The following MGAT4D variants were observed in gnomAD, a reference collection of about 807,000 sequenced individuals.
MGAT4D encodes the protein MGAT4 family member D.
MGAT4D carries 34 observed loss-of-function variants against 15.9 expected under a neutral mutation model. The observed-to-expected ratio is 2.14, with a 90% CI of 1.62 to 2.84. MGAT4D has a LOEUF of 2.84. Among genes scored for constraint, MGAT4D ranks in the 30% most tolerant of loss-of-function variants. MGAT4D has a pLI of 0.00. For synonymous variants in MGAT4D, 112 were observed against 48.2 expected, an observed-to-expected ratio of 2.33 and a Z score of -5.49; for missense variants, 327 against 140.2, an observed-to-expected ratio of 2.33 and a Z score of -6.73.
Position 140,468,828 on chromosome 4 carries a change from G to C in MGAT4D, c.572+2947C>G, listed in dbSNP as rs547720363. On this transcript the variant is annotated intron_variant, in intron 5 of 10. Coordinates refer to ENST00000511113, the MANE Select transcript of MGAT4D (RefSeq NM_001277353.2). ...TGAATCCCTCCTTCTCAACACAGGG[G>C]CTTACCTCCTTCACAGAGAAAAGAG... Among the ~76,000 whole-genome samples the C allele has an allele frequency of 3.3e-5, 5 of 152,076 alleles. No homozygotes were observed. In the East Asian group the frequency reaches 9.7e-4, roughly 29 times the overall value.
chr4:140,486,544 T>C (rs1733146898), intron 1 of MGAT4D, among the ~76,000 whole-genome samples: 1 of 152,124 alleles, frequency 6.6e-6, no homozygotes, highest in Admixed American at 6.6e-5. Flanking sequence ...CCTGTGTCCA[T>C]GTGTTCTCAT....
At chr4:140,478,904 A>G (rs975584205) in intron 3 of MGAT4D, among the ~76,000 whole-genome samples, 1 of 152,180 alleles carries the variant, frequency 6.6e-6, no homozygotes, top group African/African-American at 2.4e-5. Context: ...AAGCATAACT[A>G]TGTTCCAACA....
At chr4:140,444,887 C>CA (rs1730011511) in intron 10 of MGAT4D, among the ~76,000 whole-genome samples, 1 of 146,216 alleles carries the variant, frequency 6.8e-6, no homozygotes, top group Non-Finnish European at 1.5e-5. Flanking sequence ...TATTTTTTGC[C>CA]TTTTTTTTTT....
At chr4:140,473,293 A>G (rs1489581333) in intron 4 of MGAT4D, among the ~76,000 whole-genome samples, 2 of 152,140 alleles carry the variant, frequency 1.3e-5, no homozygotes, top group East Asian at 1.9e-4. Flanking sequence ...TCTTCTTTCA[A>G]TGACTATCGA....
chr4:140,456,774 T>C (rs918915195), intron 8 of MGAT4D, 55 bp from the exon 9 acceptor site: 5 of 561,932 alleles, frequency 8.9e-6, no homozygotes, highest in African/African-American at 1.9e-5. Flanking sequence ...TGTTCATTCC[T>C]TTAACATGGG....
At chr4:140,461,821 G>C in intron 7 of MGAT4D, 108 bp downstream of exon 7, 1 of 443,862 alleles carries the variant, frequency 2.3e-6, no homozygotes, top group East Asian at 3.2e-5. Flanking sequence ...TTATAGGAAG[G>C]AGGGAGAAAG....
intron 1 of MGAT4D, 135 bp from the exon 2 acceptor site, chr4:140,482,620 A>G (rs919386395): frequency 2.5e-6 from 1 of 400,232 alleles, no homozygotes; most frequent in Non-Finnish European, 4.4e-6. Context: ...ATGTGTATAT[A>G]TACAGTACTA....
At chr4:140,446,204 C>A (rs1276467623) in intron 10 of MGAT4D, among the ~76,000 whole-genome samples, 1 of 152,036 alleles carries the variant, frequency 6.6e-6, no homozygotes, top group Non-Finnish European at 1.5e-5. Context: ...GGGAGGAGTC[C>A]CTCCTTTTCA....
At chr4:140,444,487 C>CT (rs1729958271) in intron 10 of MGAT4D, among the ~76,000 whole-genome samples, 1 of 152,100 alleles carries the variant, frequency 6.6e-6, no homozygotes, top group South Asian at 2.1e-4. Context: ...ATTTCTGTTC[C>CT]TGTGTTAGTT....
intron 5 of MGAT4D, among the ~76,000 whole-genome samples, chr4:140,468,243 T>G (rs1731678668): frequency 6.6e-6 from 1 of 152,116 alleles, no homozygotes; most frequent in South Asian, 2.1e-4. Flanking sequence ...AGAATCACTT[T>G]TTGAATCACC....
chr4:140,479,207 A>G (rs1421225151), intron 3 of MGAT4D, among the ~76,000 whole-genome samples: 1 of 152,214 alleles, frequency 6.6e-6, no homozygotes, highest in African/African-American at 2.4e-5. Context: ...ACGAGAAAAG[A>G]TTTGCCAAAC....
intron 6 of MGAT4D, chr4:140,462,784 A>T (rs1177844214): frequency 6.6e-6 from 1 of 152,192 alleles, no homozygotes; most frequent in Non-Finnish European, 1.5e-5. Flanking sequence ...ATAACTGAAA[A>T]GAATTAAGGA....
chr4:140,459,305 T>C (rs954902283), intron 8 of MGAT4D: 4 of 258,722 alleles, frequency 1.5e-5, no homozygotes, highest in African/African-American at 6.6e-5. Flanking sequence ...GTCAATTTGA[T>C]CTCTCTAGAA....
intron 5 of MGAT4D, among the ~76,000 whole-genome samples, chr4:140,469,108 T>C (rs1268355860): frequency 6.6e-6 from 1 of 152,220 alleles, no homozygotes; most frequent in Non-Finnish European, 1.5e-5. Context: ...ACAGGTGTTT[T>C]GACTTTTCTT....
chr4:140,488,151 C>G (rs77149675), intron 1 of MGAT4D, among the ~76,000 whole-genome samples: 20,690 of 152,144 alleles, frequency 0.14, 1,487 homozygotes, highest in Admixed American at 0.2. Flanking sequence ...CTTCTGGAAA[C>G]ACTGCTCAAA....
intron 9 of MGAT4D, among the ~76,000 whole-genome samples, chr4:140,454,477 T>C (rs2126692648): frequency 6.6e-6 from 1 of 152,308 alleles, no homozygotes; most frequent in Admixed American, 6.5e-5. Context: ...TGTATTTTTC[T>C]TTTTACATAT....
At chr4:140,445,746 C>T (rs545363306) in intron 10 of MGAT4D, among the ~76,000 whole-genome samples, 5 of 152,212 alleles carry the variant, frequency 3.3e-5, no homozygotes, top group East Asian at 1.9e-4. Flanking sequence ...CTTCTGCACG[C>T]GGCCAGCCAG....
intron 3 of MGAT4D, among the ~76,000 whole-genome samples, chr4:140,475,549 C>T (rs939912318): frequency 6.7e-6 from 1 of 149,456 alleles, no homozygotes; most frequent in Non-Finnish European, 1.5e-5. Context: ...AGGCAAGATA[C>T]ACAACATCTC....
chr4:140,471,325 C>G (rs1336439679), intron 5 of MGAT4D, among the ~76,000 whole-genome samples: 1 of 150,106 alleles, frequency 6.7e-6, no homozygotes, highest in Non-Finnish European at 1.5e-5. Flanking sequence ...AGTTGTATCA[C>G]CTATTTGAAC....
Sources: gnomAD v4.1 joint callset for allele counts (sites outside exome capture counted in the v4.1 genomes callset) on GRCh38, gnomAD v4.1.1 for gene constraint, MANE v1.5 for transcripts, NCBI Gene and HGNC (gene_info 2026-07-23, HGNC 2026-07-21) for gene names.